The following GRM8 variants were observed in gnomAD, a reference collection of about 807,000 sequenced individuals.
The protein encoded by GRM8 is metabotropic glutamate receptor 8.
GRM8 carries 47 observed loss-of-function variants against 87.2 expected under a neutral mutation model. That is an observed-to-expected ratio of 0.54 (90% CI 0.43 to 0.69). The LOEUF (loss-of-function observed/expected upper bound fraction) is 0.69. Ranked by LOEUF, GRM8 falls within the 30% of genes least tolerant of loss-of-function variation. The probability of loss-of-function intolerance (pLI) is 0.00; values close to 1 mark genes in which losing one functional copy is unlikely to be tolerated. For synonymous variants in GRM8, 396 were observed against 404.5 expected, an observed-to-expected ratio of 0.98 and a Z score of 0.25; for missense variants, 1,019 against 1,139.2, an observed-to-expected ratio of 0.89 and a Z score of 1.52.
chr7:126,634,926 G>C (rs1260447931), intron 7 of GRM8, among the ~76,000 whole-genome samples: 1 of 152,108 alleles, frequency 6.6e-6, no homozygotes, highest in Non-Finnish European at 1.5e-5. Flanking sequence ...CATCCAAAGA[G>C]AGAAGGGTCT....
intron 3 of GRM8, among the ~76,000 whole-genome samples, chr7:126,970,511 AG>A (rs1304744184): frequency 2.3e-4 from 35 of 151,970 alleles, no homozygotes; most frequent in Non-Finnish European, 4.0e-4. Context: ...GAGGAGAGTC[AG>A]GGCCTTGCTC....
intron 3 of GRM8, among the ~76,000 whole-genome samples, chr7:127,087,850 C>T (rs1823668769): frequency 6.6e-6 from 1 of 152,142 alleles, no homozygotes; most frequent in Admixed American, 6.5e-5. Flanking sequence ...TCACCTATCA[C>T]ATATACCAGT....
intron 3 of GRM8, among the ~76,000 whole-genome samples, chr7:126,939,406 C>A (rs1434945061): frequency 6.6e-6 from 1 of 152,154 alleles, no homozygotes; most frequent in Non-Finnish European, 1.5e-5. Flanking sequence ...CTCCACATAT[C>A]TTTGAGACTA....
chr7:127,125,642 C>A (rs1175782970), intron 2 of GRM8, among the ~76,000 whole-genome samples: 3 of 151,666 alleles, frequency 2.0e-5, no homozygotes, highest in African/African-American at 7.3e-5. Context: ...AACTAAAAAA[C>A]CTTAACACAG....
chr7:127,024,745 G>A (rs1226294178), intron 3 of GRM8, among the ~76,000 whole-genome samples: 1 of 151,994 alleles, frequency 6.6e-6, no homozygotes, highest in East Asian at 1.9e-4. Flanking sequence ...AGCACCTGCT[G>A]TTGCCTTTGC....
intron 2 of GRM8, among the ~76,000 whole-genome samples, chr7:127,203,592 C>T (rs1484935534): frequency 6.6e-6 from 1 of 152,044 alleles, no homozygotes; most frequent in Admixed American, 6.5e-5. Flanking sequence ...CCTGTAATCC[C>T]AGCTACTTGG....
chr7:126,473,407 G>T (rs557003026), intron 9 of GRM8, among the ~76,000 whole-genome samples: 2 of 144,176 alleles, frequency 1.4e-5, no homozygotes, highest in Admixed American at 6.7e-5. Flanking sequence ...CTTGCATGGG[G>T]CCTCTAGCCC....
chr7:126,951,123 G>A (rs567350594), intron 3 of GRM8, among the ~76,000 whole-genome samples: 1 of 151,758 alleles, frequency 6.6e-6, no homozygotes, highest in Non-Finnish European at 1.5e-5. Context: ...CTTCCAGGAT[G>A]TACTGTTAAG....
chr7:126,747,887 A>C (rs59975468), intron 7 of GRM8, among the ~76,000 whole-genome samples: 3,359 of 152,028 alleles, frequency 0.022, 138 homozygotes, highest in African/African-American at 0.077. Context: ...ATTCCTGTGT[A>C]TATTTGTATT....
chr7:127,238,610 C>T (rs1798119691), intron 2 of GRM8, among the ~76,000 whole-genome samples: 1 of 152,206 alleles, frequency 6.6e-6, no homozygotes, highest in Non-Finnish European at 1.5e-5. Context: ...TTGAGTATCA[C>T]TAATCTAGTA....
chr7:127,154,317 G>A (rs1563546223), intron 2 of GRM8, among the ~76,000 whole-genome samples: 1 of 152,016 alleles, frequency 6.6e-6, no homozygotes, highest in Admixed American at 6.6e-5. Flanking sequence ...TTCCATTCCT[G>A]CACCTTATGC....
chr7:126,978,520 C>T (rs1365677228), intron 3 of GRM8, among the ~76,000 whole-genome samples: 1 of 152,140 alleles, frequency 6.6e-6, no homozygotes, highest in Non-Finnish European at 1.5e-5. Flanking sequence ...ACAAGTAGGA[C>T]AGATGTATTA....
chr7:126,734,156 T>C (rs1202185514), intron 7 of GRM8, among the ~76,000 whole-genome samples: 1 of 151,942 alleles, frequency 6.6e-6, no homozygotes, highest in African/African-American at 2.4e-5. Context: ...AATATACTAC[T>C]GAGAGATAAT....
chr7:126,471,897 G>C (rs1314799352), intron 9 of GRM8, among the ~76,000 whole-genome samples: 1 of 152,106 alleles, frequency 6.6e-6, no homozygotes, highest in African/African-American at 2.4e-5. Flanking sequence ...TCCTTGAAGA[G>C]GTCCTTCACG....
intron 7 of GRM8, among the ~76,000 whole-genome samples, chr7:126,651,218 C>G (rs886475481): frequency 2.0e-5 from 3 of 152,220 alleles, no homozygotes; most frequent in African/African-American, 4.8e-5. Flanking sequence ...CCAAGGCACT[C>G]ACTTTGTGGC....
intron 3 of GRM8, among the ~76,000 whole-genome samples, chr7:126,956,928 A>C (rs182802860): frequency 5.4e-4 from 83 of 152,364 alleles, no homozygotes; most frequent in African/African-American, 1.9e-3. Context: ...TTATAAACAC[A>C]GATGTAGAAA....
intron 2 of GRM8, among the ~76,000 whole-genome samples, chr7:127,138,872 C>T (rs1281317952): frequency 6.6e-6 from 1 of 152,070 alleles, no homozygotes; most frequent in Non-Finnish European, 1.5e-5. Flanking sequence ...GAGTCCAATG[C>T]AATTAACAAC....
rs183742350 is a variant in GRM8 at position 127,083,152 on chromosome 7, A to T, written c.727+23344T>A. On this transcript the variant is annotated intron_variant, in intron 3 of 10. Coordinates refer to ENST00000339582, the MANE Select transcript of GRM8 (RefSeq NM_000845.3). ...CCATCACACTTGTGCACTTAACAGAACAAGGTACTCAATAATATTTTTTAA... is the reference window on the plus strand; with the variant it reads ...CCATCACACTTGTGCACTTAACAGATCAAGGTACTCAATAATATTTTTTAA... Among the ~76,000 whole-genome samples, 5 of 152,330 alleles carry T rather than the reference A, an allele frequency of 3.3e-5. No homozygotes were observed. In the East Asian group the frequency reaches 9.6e-4, roughly 29 times the overall value.
intron 9 of GRM8, among the ~76,000 whole-genome samples, chr7:126,467,890 C>T (rs1349086759): frequency 6.6e-6 from 1 of 151,956 alleles, no homozygotes; most frequent in Non-Finnish European, 1.5e-5. Context: ...CTTCCATTTA[C>T]CATTCTCAGA....
Sources: allele counts gnomAD v4.1 joint callset (sites outside exome capture counted in the v4.1 genomes callset), GRCh38; gene constraint gnomAD v4.1.1; transcripts MANE v1.5; gene names NCBI Gene and HGNC (gene_info 2026-07-23, HGNC 2026-07-21).